Variants in MYBPHL observed in about 807,000 individuals in gnomAD.
The protein encoded by MYBPHL is myosin binding protein H like.
MYBPHL carries 32 observed loss-of-function variants against 39.5 expected under a neutral mutation model. That is an observed-to-expected ratio of 0.81 (90% CI 0.61 to 1.09). The LOEUF is 1.09. Among genes scored for constraint, MYBPHL ranks in the 50% least tolerant of loss-of-function variants. The pLI, the probability that MYBPHL is intolerant of heterozygous loss-of-function variation, is 0.00. For synonymous variants in MYBPHL, 196 were observed against 183.7 expected, an observed-to-expected ratio of 1.07 and a Z score of -0.54; for missense variants, 456 against 460.2, an observed-to-expected ratio of 0.99 and a Z score of 0.08.
chr1:109,296,203 C>T lies in MYBPHL; in HGVS notation c.867+31G>A. Reference sequence around the variant, plus strand: ...GGACAGGCAGGAACAAGAAGCAGCTCAGCACAGTGCCCCCCAGAGCCCCCA... The same window carrying T: ...GGACAGGCAGGAACAAGAAGCAGCTTAGCACAGTGCCCCCCAGAGCCCCCA... On this transcript the variant is annotated intron_variant, in intron 6 of 8. Transcript: ENST00000357155. 5 of 1,610,052 alleles carry T rather than the reference C, an allele frequency of 3.1e-6. 1 individual carries two copies. Among genetic ancestry groups the T allele is most frequent in the Non-Finnish European group, 4.2e-6 (5 of 1,179,064 alleles).
intron 1 of MYBPHL, among the ~76,000 whole-genome samples, chr1:109,301,657 C>T (rs1038686664): frequency 1.3e-5 from 2 of 151,894 alleles, no homozygotes; most frequent in African/African-American, 4.8e-5. Flanking sequence ...AGGAAAATCG[C>T]TTGAACCTGG....
intron 6 of MYBPHL, 129 bp from the exon 7 acceptor site, chr1:109,295,426 T>C (rs1658026989): frequency 1.3e-6 from 1 of 790,876 alleles, no homozygotes; most frequent in African/African-American, 1.7e-5. Flanking sequence ...CTGTTCCTTA[T>C]GTTGTGGGAA....
In MYBPHL at chr1:109,295,225, C is replaced by T. The variant is rs1658018373; in HGVS notation, c.940G>A (p.Gly314Arg). Residue 314 changes from glycine to arginine, a missense_variant, in exon 7 of 9, where the codon GGA becomes AGA. Physicochemically the swap from Gly to Arg is moderately radical, Grantham distance 125. Coordinates refer to ENST00000357155, the MANE Select transcript of MYBPHL (RefSeq NM_001010985.3). ...NPKYRALTHLGICSLEIRKPG... is the reference protein window; with the variant it reads ...NPKYRALTHLRICSLEIRKPG... The stretch of plus-strand genomic sequence containing the variant: ...TTGCGGATCTCTAGGGAGCAGATTC[C>T]CAGGTGAGTCAGGGCTCTGTACTTA... The T allele has an allele frequency of 1.2e-6, 2 of 1,614,160 alleles. No homozygotes were observed. Among genetic ancestry groups the T allele is most frequent in the Non-Finnish European group, 1.7e-6 (2 of 1,180,008 alleles).
At chr1:109,294,294 T>G in intron 7 of MYBPHL, 45 bp from the exon 8 acceptor site, 4 of 1,588,692 alleles carry the variant, frequency 2.5e-6, no homozygotes, top group Non-Finnish European at 3.5e-6. Context: ...CTCAGAAATC[T>G]CTGAGAAACT....
At chr1:109,306,379 C>T (rs953677529) in intron 1 of MYBPHL, among the ~76,000 whole-genome samples, 7 of 152,094 alleles carry the variant, frequency 4.6e-5, no homozygotes, top group Admixed American at 2.6e-4. Context: ...GTCCTGACCC[C>T]GTGGTACTGC....
intron 1 of MYBPHL, among the ~76,000 whole-genome samples, chr1:109,300,423 A>G (rs1470472051): frequency 1.3e-5 from 2 of 152,174 alleles, no homozygotes; most frequent in African/African-American, 4.8e-5. Context: ...CATACCCAAG[A>G]ACTGCAAAGG....
In MYBPHL at chr1:109,294,220, C is replaced by G. The variant is rs646335; in HGVS notation, c.*19G>C. 961,963 of 1,595,752 alleles carry G rather than the reference C, an allele frequency of 0.6. 292,595 individuals are homozygous for G. Among genetic ancestry groups the G allele is most frequent in the Non-Finnish European group, 0.62 (725,069 of 1,163,516 alleles). On this transcript the variant is annotated 3_prime_UTR_variant, in exon 8 of 9. Transcript: ENST00000357155. ...TCTTTACTTACCTTTGTCAGAGTAC[C>G]ATGCCTTCTTAGGTGTCCTCAATTA... is the stretch of plus-strand genomic sequence containing the variant.
chr1:109,301,000 G>T (rs1475984341), intron 1 of MYBPHL, among the ~76,000 whole-genome samples: 1 of 152,228 alleles, frequency 6.6e-6, no homozygotes, highest in Non-Finnish European at 1.5e-5. Flanking sequence ...GGTGGCAGGA[G>T]AGAGTGTGGC....
At chr1:109,297,292 C>T (rs1658111963) in intron 3 of MYBPHL, 103 bp from the exon 4 acceptor site, 23 of 1,574,366 alleles carry the variant, frequency 1.5e-5, no homozygotes, top group Middle Eastern at 3.4e-4. Context: ...ACCCCTCCTG[C>T]GCCCACCCTG....
At chr1:109,299,963 T>C (rs1413783551) in intron 1 of MYBPHL, among the ~76,000 whole-genome samples, 1 of 152,202 alleles carries the variant, frequency 6.6e-6, no homozygotes, top group Admixed American at 6.5e-5. Flanking sequence ...GACTTAATAG[T>C]GTTTTGAAAA....
intron 1 of MYBPHL, among the ~76,000 whole-genome samples, chr1:109,300,070 G>A (rs1282562408): frequency 6.6e-6 from 1 of 152,216 alleles, no homozygotes; most frequent in Admixed American, 6.5e-5. Context: ...CATTTGCTGG[G>A]GAGAGGGCTG....
intron 8 of MYBPHL, 122 bp downstream of exon 8, chr1:109,294,084 A>C (rs1570843254): frequency 2.9e-6 from 2 of 683,578 alleles, no homozygotes; most frequent in East Asian, 5.1e-5. Flanking sequence ...TGGTTACAAC[A>C]AAAGTGGCCA....
In MYBPHL at chr1:109,295,140, G is replaced by A; in HGVS notation, c.1025C>T (p.Ala342Val). ...CACATCCACCCGACAGTCCACAGAT[G>A]CCTCCCCTAGGGGGTTCACCGCCTT... ...TCKAVNPLGE[A>V]SVDCRVDVKV... is the part of the protein sequence containing the mutation. Residue 342 changes from alanine to valine, a missense_variant, in exon 7 of 9, where the codon GCA (alanine) becomes GTA (valine). Coordinates refer to ENST00000357155, the MANE Select transcript of MYBPHL (RefSeq NM_001010985.3). The A allele has an allele frequency of 3.1e-6, 5 of 1,613,674 alleles. No individual in the cohort carries two copies. The highest frequency in any genetic ancestry group is 4.2e-6 in the Non-Finnish European group (5 of 1,179,954).
At chr1:109,304,849 A>G (rs550691618) in intron 1 of MYBPHL, among the ~76,000 whole-genome samples, 46 of 152,304 alleles carry the variant, frequency 3.0e-4, no homozygotes, top group African/African-American at 1.1e-3. Context: ...CTAAAAGCTC[A>G]TTGTTGGCCA....
Position 109,296,637 on chromosome 1 carries a change from C to G in MYBPHL, c.730+146G>C, listed in dbSNP as rs144077146. 2.6e-3 allele frequency: 2,501 copies of G among 976,882 alleles called. 19 individuals carry two copies. Among genetic ancestry groups the G allele is most frequent in the African/African-American group, 0.018 (1,146 of 62,260 alleles). The allele number at this position is 976,882 out of a possible 1,614,324, so 60.5% of individuals were successfully genotyped here. ...TATTTTTAGTAGAGATGAGGTTTCA[C>G]CATGTTGTCCAGGCTGGTCTTGAAC... On this transcript the variant is annotated intron_variant, in intron 5 of 8. Transcript: ENST00000357155.
chr1:109,302,621 C>T (rs1172318874), intron 1 of MYBPHL, among the ~76,000 whole-genome samples: 1 of 152,118 alleles, frequency 6.6e-6, no homozygotes, highest in African/African-American at 2.4e-5. Flanking sequence ...ACCCATGTTT[C>T]CAGTCCCCGT....
intron 1 of MYBPHL, among the ~76,000 whole-genome samples, chr1:109,301,130 C>G (rs1307506147): frequency 2.6e-5 from 4 of 152,340 alleles, no homozygotes; most frequent in Non-Finnish European, 5.9e-5. Flanking sequence ...TGAGGCATCT[C>G]TTTTCACACA....
intron 6 of MYBPHL, 63 bp downstream of exon 6, chr1:109,296,171 T>G (rs1173420395): frequency 6.3e-5 from 99 of 1,582,178 alleles, no homozygotes; most frequent in Non-Finnish European, 8.3e-5. Flanking sequence ...CAACTCAGCT[T>G]AGGTTAGGAC....
intron 1 of MYBPHL, among the ~76,000 whole-genome samples, chr1:109,302,864 C>T (rs1658341054): frequency 6.6e-6 from 1 of 152,240 alleles, no homozygotes; most frequent in South Asian, 2.1e-4. Flanking sequence ...GCTGCCCGGC[C>T]ACCTTTTGCT....
Sources: allele counts gnomAD v4.1 joint callset (sites outside exome capture counted in the v4.1 genomes callset), GRCh38; gene constraint gnomAD v4.1.1; transcripts MANE v1.5; gene names NCBI Gene and HGNC (gene_info 2026-07-23, HGNC 2026-07-21).